The following IGF1R variants were observed in gnomAD, a reference collection of about 807,000 sequenced individuals.
The protein encoded by IGF1R is insulin-like growth factor 1 receptor.
IGF1R carries 44 observed loss-of-function variants against 144.6 expected under a neutral mutation model. The ratio of observed to expected loss-of-function variants is 0.30; its 90% confidence interval spans 0.24 to 0.39. IGF1R has a LOEUF of 0.39. Ranked by LOEUF, IGF1R falls within the 10% of genes least tolerant of loss-of-function variation. IGF1R has a pLI of 1.00. For missense variants in IGF1R, 1,355 were observed against 1,833.7 expected, an observed-to-expected ratio of 0.74 and a Z score of 4.77; for synonymous variants, 795 against 722.8, an observed-to-expected ratio of 1.10 and a Z score of -1.60.
intron 2 of IGF1R, among the ~76,000 whole-genome samples, chr15:98,850,919 T>G (rs1289158677): frequency 6.6e-6 from 1 of 152,012 alleles, no homozygotes; most frequent in Non-Finnish European, 1.5e-5. Flanking sequence ...AGACACAAAT[T>G]AGAATATAAC....
At position 98,702,033 on chromosome 15, in the gene IGF1R, G is replaced by GTTTT. The variant is rs35793845; in HGVS notation, c.95-5511_95-5508dup. Among the ~76,000 whole-genome samples the GTTTT allele has an allele frequency of 1.4e-3, 153 of 108,624 alleles. 8 individuals carry two copies. Among genetic ancestry groups the GTTTT allele is most frequent in the African/African-American group, 3.9e-3 (110 of 27,906 alleles). 71.3% of individuals were successfully genotyped at this position (108,624 alleles called of 152,430 possible). A position where few individuals can be genotyped will look rare whatever the true frequency, so the allele number is the denominator to read the frequency against. On this transcript the variant is annotated intron_variant, in intron 1 of 20. Transcript: ENST00000650285. ...ACTCTGGGCTCATGGGAGTCACGCT[G>GTTTT]TTTTTTTTTTTTTTTTTTTTTCCTA...
At chr15:98,762,238 C>CTTTTTTTTTT (rs5814898) in intron 2 of IGF1R, among the ~76,000 whole-genome samples, 4 of 95,814 alleles carry the variant, frequency 4.2e-5, no homozygotes, top group Admixed American at 1.1e-4. Flanking sequence ...CTTTTCTTTT[C>CTTTTTTTTTT]TTTTTTTTTT....
At chr15:98,880,493 C>T (rs1427883916) in intron 2 of IGF1R, among the ~76,000 whole-genome samples, 1 of 152,182 alleles carries the variant, frequency 6.6e-6, no homozygotes, top group Admixed American at 6.5e-5. Context: ...ATTAAGTGTT[C>T]ACAGATACAT....
intron 1 of IGF1R, among the ~76,000 whole-genome samples, chr15:98,686,323 G>A (rs149942437): frequency 1.7e-4 from 26 of 152,268 alleles, no homozygotes; most frequent in Admixed American, 1.0e-3. Context: ...TTTGTCTGTC[G>A]ATGGACACTT....
intron 2 of IGF1R, among the ~76,000 whole-genome samples, chr15:98,829,420 A>G (rs532919397): frequency 2.0e-5 from 3 of 152,078 alleles, no homozygotes; most frequent in Non-Finnish European, 4.4e-5. Flanking sequence ...TCCGGGTGTT[A>G]TACAAATATG....
intron 2 of IGF1R, among the ~76,000 whole-genome samples, chr15:98,716,119 T>G (rs962372338): frequency 4.6e-5 from 7 of 152,184 alleles, no homozygotes; most frequent in Non-Finnish European, 5.9e-5. Context: ...GTGCCTTTCC[T>G]AGGGACGGTT....
intron 2 of IGF1R, among the ~76,000 whole-genome samples, chr15:98,794,022 G>A (rs758037966): frequency 6.6e-6 from 1 of 152,188 alleles, no homozygotes; most frequent in Non-Finnish European, 1.5e-5. Flanking sequence ...TAGCACTTAG[G>A]TAGCAGCCGT....
intron 2 of IGF1R, among the ~76,000 whole-genome samples, chr15:98,845,842 G>T (rs2011307934): frequency 6.6e-6 from 1 of 152,086 alleles, no homozygotes; most frequent in Admixed American, 6.5e-5. Context: ...TCTCATAGTA[G>T]ATGCAGTGAA....
At chr15:98,946,348 G>C (rs1172890641) in intron 19 of IGF1R, among the ~76,000 whole-genome samples, 1 of 152,090 alleles carries the variant, frequency 6.6e-6, no homozygotes, top group African/African-American at 2.4e-5. Context: ...GTTGTATTAG[G>C]CATCCTGGAC....
intron 2 of IGF1R, among the ~76,000 whole-genome samples, chr15:98,764,405 A>G (rs956844804): frequency 1.3e-5 from 2 of 152,230 alleles, no homozygotes; most frequent in African/African-American, 4.8e-5. Context: ...AATAAAAATT[A>G]TGTGCTAAAA....
chr15:98,663,611 C>T (rs2052652334), intron 1 of IGF1R, among the ~76,000 whole-genome samples: 1 of 152,176 alleles, frequency 6.6e-6, no homozygotes, highest in Non-Finnish European at 1.5e-5. Flanking sequence ...TGTTCGTTTG[C>T]TGGGGCACTG....
intron 4 of IGF1R, among the ~76,000 whole-genome samples, chr15:98,898,127 T>C (rs1230456469): frequency 6.6e-6 from 1 of 152,228 alleles, no homozygotes; most frequent in African/African-American, 2.4e-5. Context: ...TGGAGATAAC[T>C]CTGTTCCCCA....
chr15:98,813,402 A>G (rs1206640419), intron 2 of IGF1R, among the ~76,000 whole-genome samples: 1 of 152,272 alleles, frequency 6.6e-6, no homozygotes, highest in South Asian at 2.1e-4. Context: ...GACAGCCCCT[A>G]CACCCCAGAG....
At chr15:98,910,197 C>T (rs909400188) in intron 6 of IGF1R, among the ~76,000 whole-genome samples, 4 of 152,154 alleles carry the variant, frequency 2.6e-5, no homozygotes, top group African/African-American at 4.8e-5. Context: ...CGCCGCCTCC[C>T]GCCCCCTGCT....
intron 2 of IGF1R, among the ~76,000 whole-genome samples, chr15:98,828,377 G>A (rs1314396568): frequency 6.6e-6 from 1 of 152,086 alleles, no homozygotes; most frequent in Admixed American, 6.5e-5. Context: ...CCTTGGTTGG[G>A]CCCCTGTGAC....
intron 2 of IGF1R, chr15:98,820,947 G>A (rs1333271504): frequency 6.6e-6 from 1 of 152,138 alleles, no homozygotes; most frequent in Non-Finnish European, 1.5e-5. Context: ...CTTGGTATGT[G>A]AACACATATT....
intron 1 of IGF1R, among the ~76,000 whole-genome samples, chr15:98,684,253 G>T (rs966885326): frequency 1.5e-5 from 2 of 131,540 alleles, no homozygotes; most frequent in African/African-American, 6.7e-5. Context: ...TTTAGCTCTG[G>T]CAGCCTCTGA....
intron 2 of IGF1R, among the ~76,000 whole-genome samples, chr15:98,755,955 T>G (rs1049710205): frequency 6.6e-6 from 1 of 152,150 alleles, no homozygotes; most frequent in Non-Finnish European, 1.5e-5. Context: ...TTTGGTGGTG[T>G]AATAAATTAC....
chr15:98,777,573 C>T (rs936135140), intron 2 of IGF1R, among the ~76,000 whole-genome samples: 1 of 152,226 alleles, frequency 6.6e-6, no homozygotes, highest in African/African-American at 2.4e-5. Context: ...TCTGGGATCT[C>T]AGCACATCTC....
Sources: allele counts gnomAD v4.1 joint callset (sites outside exome capture counted in the v4.1 genomes callset), GRCh38; gene constraint gnomAD v4.1.1; transcripts MANE v1.5; gene names NCBI Gene and HGNC (gene_info 2026-07-23, HGNC 2026-07-21).